Variants in P2RX5 observed in about 807,000 individuals in gnomAD.
The protein encoded by P2RX5 is purinergic receptor P2X 5, also known as P2X purinoceptor 5.
A neutral mutation model predicts 54.1 loss-of-function variants in P2RX5; 46 were observed. The observed-to-expected ratio is 0.85, with a 90% confidence interval of 0.67 to 1.09. P2RX5 has a LOEUF of 1.09. Ranked by LOEUF, P2RX5 falls within the 50% of genes least tolerant of loss-of-function variation. The pLI is 0.00. For missense variants in P2RX5, 566 were observed against 549.8 expected, an observed-to-expected ratio of 1.03 and a Z score of -0.29; for synonymous variants, 226 against 226.4, an observed-to-expected ratio of 1.00 and a Z score of 0.02.
At chr17:3,675,558 CT>C (rs879893835) in intron 11 of P2RX5, 56,984 of 650,616 alleles carry the variant, frequency 0.088, no homozygotes, top group Non-Finnish European at 0.099. Flanking sequence ...TCTTCACTTT[CT>C]TTTTTTTTTT....
intron 3 of P2RX5, 91 bp from the exon 4 acceptor site, chr17:3,690,771 G>A (rs1489322681): frequency 5.8e-5 from 80 of 1,373,292 alleles, no homozygotes; most frequent in Admixed American, 4.3e-4. Flanking sequence ...GTTCTTCTTC[G>A]GCCTGGCCCA....
chr17:3,716,792 C>G, the P2RX5 span: 33 of 1,563,144 alleles, frequency 2.1e-5, no homozygotes, highest in Non-Finnish European at 2.8e-5. Context: ...AGGAAGACGA[C>G]AGTGATCTAG....
Position 3,696,062 on chromosome 17 carries a change from A to G in P2RX5, c.-57T>C. ...CGGCCCACGTGCGCTCATGGGGAGC[A>G]CTCGGTCCCTCGGTCCCTGCGCGCC... On this transcript the variant is annotated 5_prime_UTR_variant, in exon 1 of 12. Transcript: ENST00000225328. The G allele has an allele frequency of 6.3e-7, 1 of 1,597,188 alleles. No homozygotes were observed.
chr17:3,677,554 G>C (rs532343305), intron 11 of P2RX5: 1 of 985,450 alleles, frequency 1.0e-6, no homozygotes, highest in Non-Finnish European at 1.2e-6. Context: ...CTTTCTCTGA[G>C]CAACCATCAT....
chr17:3,679,822 G>T (rs752598702), intron 10 of P2RX5, 38 bp from the exon 11 acceptor site: 2 of 1,569,148 alleles, frequency 1.3e-6, no homozygotes, highest in South Asian at 2.2e-5. Context: ...GGACGGCCCT[G>T]CAGGGTGCCT....
chr17:3,712,667 G>A, the P2RX5 span, among the ~76,000 whole-genome samples: 1 of 152,280 alleles, frequency 6.6e-6, no homozygotes, highest in Admixed American at 6.5e-5. Context: ...AGTTTGGCCG[G>A]GCCCGGATTT....
At chr17:3,714,831 C>G in the P2RX5 span, 1 of 1,495,394 alleles carries the variant, frequency 6.7e-7, no homozygotes, top group Non-Finnish European at 9.3e-7. Flanking sequence ...TAGCCTCTCC[C>G]AGTGGATAGC....
At chr17:3,699,491 T>A (rs2050800918), upstream of P2RX5, among the ~76,000 whole-genome samples, 1 of 151,550 alleles carries the variant, frequency 6.6e-6, no homozygotes, top group African/African-American at 2.4e-5. Flanking sequence ...TTCAACACTG[T>A]AGTGAGCAAT....
chr17:3,694,350 G>A (rs1037109705), intron 1 of P2RX5, among the ~76,000 whole-genome samples: 3 of 151,940 alleles, frequency 2.0e-5, no homozygotes, highest in Non-Finnish European at 4.4e-5. Context: ...GATTACAGGC[G>A]CCACTATCAT....
chr17:3,699,917 G>GGAAAGAAAGAAA (rs71362545), upstream of P2RX5, among the ~76,000 whole-genome samples: 102 of 75,520 alleles, frequency 1.4e-3, 1 homozygote, highest in South Asian at 3.4e-3. Context: ...AAGGAAGGAA[G>GGAAAGAAAGAAA]GAAAGAAAGA....
At chr17:3,690,186 C>G in intron 5 of P2RX5, 36 bp from the exon 6 acceptor site, 1 of 1,578,898 alleles carries the variant, frequency 6.3e-7, no homozygotes, top group Non-Finnish European at 8.7e-7. Flanking sequence ...TCCAGGAGGC[C>G]CCACCCCTGT....
chr17:3,697,480 C>A (rs1280846437), upstream of P2RX5, among the ~76,000 whole-genome samples: 1 of 152,182 alleles, frequency 6.6e-6, no homozygotes, highest in Non-Finnish European at 1.5e-5. Flanking sequence ...CCTCTCCCTA[C>A]CCCTGGCTTT....
intron 11 of P2RX5, chr17:3,675,931 C>T: frequency 1.0e-6 from 1 of 985,382 alleles, no homozygotes; most frequent in Non-Finnish European, 1.2e-6. Flanking sequence ...GAGGAAGTTG[C>T]TTTGCTCTAG....
intron 1 of P2RX5, among the ~76,000 whole-genome samples, chr17:3,692,387 C>A (rs548636831): frequency 6.6e-6 from 1 of 152,260 alleles, no homozygotes; most frequent in South Asian, 2.1e-4. Context: ...AGTGGACAAG[C>A]CTGGGCTGAA....
intron 9 of P2RX5, among the ~76,000 whole-genome samples, chr17:3,685,170 T>A (rs2142998962): frequency 6.6e-6 from 1 of 152,078 alleles, no homozygotes; most frequent in African/African-American, 2.4e-5. Context: ...TTAGCAGAAG[T>A]AGAGATAGAG....
In P2RX5 at chr17:3,690,641, C is replaced by G; in HGVS notation, c.400G>C (p.Asp134His). Residue 134 changes from aspartate (D) to histidine (H), a missense_variant, in exon 4 of 12, where the codon GAC (aspartate) becomes CAC (histidine). Coordinates refer to ENST00000225328, the MANE Select transcript of P2RX5 (RefSeq NM_002561.4). ...GTAACCGCTTCCCCAGCGTGGCAGT[C>G]GCTGTCCTTGGAGCACGCGCCATCA... Reference protein sequence around the residue: ...IPDGACSKDSDCHAGEAVTAG... With the variant: ...IPDGACSKDSHCHAGEAVTAG... The G allele has an allele frequency of 1.2e-6, 2 of 1,613,446 alleles. No homozygotes were observed. Among genetic ancestry groups the G allele is most frequent in the Non-Finnish European group, 1.7e-6 (2 of 1,180,024 alleles).
the P2RX5 span, chr17:3,723,268 A>G: frequency 9.2e-6 from 14 of 1,514,030 alleles, no homozygotes; most frequent in Middle Eastern, 5.1e-4. Flanking sequence ...TCAAATCTGG[A>G]GCATTTCAGT....
At position 3,681,868 on chromosome 17, in the gene P2RX5, G is replaced by A. The variant is rs199608251; in HGVS notation, c.1064+28C>T. On this transcript the variant is annotated intron_variant, in intron 10 of 11. Coordinates refer to ENST00000225328, the MANE Select transcript of P2RX5 (RefSeq NM_002561.4). Reference sequence around the variant, plus strand: ...GGGGGTGCTCCACAGGGCTGCCCTCGGGCCGCCGGCCTGGAAGCGGAACTG... The same window carrying A: ...GGGGGTGCTCCACAGGGCTGCCCTCAGGCCGCCGGCCTGGAAGCGGAACTG... 80 of 1,540,670 alleles carry A rather than the reference G, an allele frequency of 5.2e-5. 1 individual carries two copies. The highest frequency in any genetic ancestry group is 6.7e-5 in the Non-Finnish European group (75 of 1,113,514).
chr17:3,685,588 A>G (rs1244697126), intron 9 of P2RX5: 1 of 161,714 alleles, frequency 6.2e-6, no homozygotes, highest in African/African-American at 2.4e-5. Flanking sequence ...TGCCTGGAAG[A>G]TAGAGACAAG....
Sources: gnomAD v4.1 joint callset for allele counts (sites outside exome capture counted in the v4.1 genomes callset) on GRCh38, gnomAD v4.1.1 for gene constraint, MANE v1.5 for transcripts, NCBI Gene and HGNC (gene_info 2026-07-23, HGNC 2026-07-21) for gene names.